Variants in MPHOSPH10 observed in about 807,000 individuals in gnomAD.
MPHOSPH10 encodes M-phase phosphoprotein 10.
MPHOSPH10 carries 33 observed loss-of-function variants against 77.3 expected under a neutral mutation model. The ratio of observed to expected loss-of-function variants is 0.43; its 90% CI spans 0.32 to 0.57. The LOEUF (loss-of-function observed/expected upper bound fraction) is 0.57, where lower values mean the gene tolerates loss of function less well. Ranked by LOEUF, MPHOSPH10 falls within the 20% of genes least tolerant of loss-of-function variation. The pLI is 0.07. For missense variants in MPHOSPH10, 708 were observed against 780.1 expected, an observed-to-expected ratio of 0.91 and a Z score of 1.10; for synonymous variants, 245 against 268.0, an observed-to-expected ratio of 0.91 and a Z score of 0.84.
Position 71,134,729 on chromosome 2 carries a change from A to G in MPHOSPH10, c.1030A>G (p.Thr344Ala). The change falls in exon 4 of 11, where the codon ACA becomes GCA. Residue 344 changes from threonine to alanine, a missense_variant. Physicochemically the swap from Thr to Ala is moderately conservative, Grantham distance 58 (BLOSUM62 0). Around this residue, in one of 3 missense-constraint regions of MPHOSPH10, gnomAD observed 433 missense variants for 432.6 expected, o/e 1.00. Coordinates refer to ENST00000244230, the MANE Select transcript of MPHOSPH10 (RefSeq NM_005791.3). ...ACCAGATGATGCGGAAACTGAAGAT[A>G]CAGGTGTTTTAAATGTAAAGAAAAA... ...ALPDDAETED[T>A]GVLNVKKNSD... 1 of 1,611,030 alleles carries G rather than the reference A, an allele frequency of 6.2e-7. No individual in the cohort carries two copies. Among genetic ancestry groups the G allele is most frequent in the Non-Finnish European group, 8.5e-7 (1 of 1,178,418 alleles).
chr2:71,149,444 C>T lies in MPHOSPH10; in HGVS notation c.1887C>T (p.Ser629=), dbSNP rs777082716. 1 of 1,613,412 alleles carries T rather than the reference C, an allele frequency of 6.2e-7. No homozygotes were observed. The highest frequency in any genetic ancestry group is 1.7e-5 in the Admixed American group (1 of 59,898). ...AGCTGACCAAAACTGGCAAAGCTTC[C>T]TTCATAAAGGTAAGGACAAGGGAAA... The part of the protein sequence containing the change: ...LKQLTKTGKA[S]FIKDEGKDKA... Residue 629 remains serine, a synonymous_variant, in exon 10 of 11, where the codon TCC becomes TCT. Coordinates refer to ENST00000244230, the MANE Select transcript of MPHOSPH10 (RefSeq NM_005791.3).
intron 6 of MPHOSPH10, among the ~76,000 whole-genome samples, chr2:71,140,925 G>A (rs1419354509): frequency 6.6e-6 from 1 of 152,116 alleles, no homozygotes; most frequent in African/African-American, 2.4e-5. Flanking sequence ...CAGGTAGGAA[G>A]ACTCATTTAA....
At chr2:71,148,326 G>T in intron 9 of MPHOSPH10, 1 of 448,818 alleles carries the variant, frequency 2.2e-6, no homozygotes, top group South Asian at 3.9e-5. Flanking sequence ...GTTACTGTAA[G>T]AGCAGTTTTA....
chr2:71,143,040 C>CT (rs1179308762), intron 7 of MPHOSPH10, among the ~76,000 whole-genome samples: 1 of 151,984 alleles, frequency 6.6e-6, no homozygotes, highest in African/African-American at 2.4e-5. Flanking sequence ...GAGAATAAAT[C>CT]TTTAACACAT....
chr2:71,134,126 T>C lies in MPHOSPH10; in HGVS notation c.926+21T>C, dbSNP rs1052351886. 1.3e-5 allele frequency: 21 copies of C among 1,592,324 alleles called. No individual in the cohort carries two copies. In the African/African-American group the frequency reaches 2.2e-4, roughly 16 times the overall value. On this transcript the variant is annotated intron_variant, in intron 3 of 10. Coordinates refer to ENST00000244230, the MANE Select transcript of MPHOSPH10 (RefSeq NM_005791.3). ...GAAACGTGAGTATTTTGAACCATCCTTTACATTGTAAGCTGGAATTGCCCA... is the reference window on the plus strand; with the variant it reads ...GAAACGTGAGTATTTTGAACCATCCCTTACATTGTAAGCTGGAATTGCCCA...
chr2:71,138,366 G>T, intron 4 of MPHOSPH10, 124 bp from the exon 5 acceptor site: 1 of 774,032 alleles, frequency 1.3e-6, no homozygotes, highest in Non-Finnish European at 2.0e-6. Context: ...TAAAAAGATG[G>T]CAAGAACAGA....
intron 4 of MPHOSPH10, among the ~76,000 whole-genome samples, chr2:71,135,904 C>T (rs546277656): frequency 6.6e-6 from 1 of 152,038 alleles, no homozygotes; most frequent in African/African-American, 2.4e-5. Context: ...GGGGTTTCAC[C>T]ATGTTGGCCA....
intron 9 of MPHOSPH10, 91 bp from the exon 10 acceptor site, chr2:71,149,132 T>G: frequency 8.4e-7 from 1 of 1,192,010 alleles, no homozygotes. Context: ...ATGCACAGCC[T>G]GCTTGCTGGC....
In MPHOSPH10 at chr2:71,149,442, T is replaced by C; in HGVS notation, c.1885T>C (p.Ser629Pro). The C allele has an allele frequency of 6.2e-7, 1 of 1,613,492 alleles. No homozygotes were observed. The highest frequency in any genetic ancestry group is 8.5e-7 in the Non-Finnish European group (1 of 1,179,856). Residue 629 changes from serine (S) to proline (P), a missense_variant, in exon 10 of 11, where the codon TCC becomes CCC. By Grantham distance (74) the Ser-to-Pro change is moderately conservative. Transcript: ENST00000244230. ...LKQLTKTGKA[S>P]FIKDEGKDKA... ...ACAGCTGACCAAAACTGGCAAAGCT[T>C]CCTTCATAAAGGTAAGGACAAGGGA...
chr2:71,133,485 A>T lies in MPHOSPH10; in HGVS notation c.677A>T (p.Asp226Val), dbSNP rs145808867. Residue 226 changes from aspartate (D) to valine (V), a missense_variant, in exon 2 of 11, where the codon GAT (aspartate) becomes GTT (valine). Coordinates refer to ENST00000244230, the MANE Select transcript of MPHOSPH10 (RefSeq NM_005791.3). ...GAAAAAGAAGAGGAACGAAAAGATG[A>T]TAATGATGAGGAGGAGGAAGATATT... The part of the protein sequence containing the change: ...NIEKEEERKD[D>V]NDEEEEDIDF... The T allele has an allele frequency of 6.8e-6, 11 of 1,606,700 alleles. No individual in the cohort carries two copies. The highest frequency in any genetic ancestry group is 8.5e-6 in the Non-Finnish European group (10 of 1,173,396).
At chr2:71,149,733 C>A in intron 10 of MPHOSPH10, 133 bp from the exon 11 acceptor site, 1 of 811,742 alleles carries the variant, frequency 1.2e-6, no homozygotes, top group Non-Finnish European at 1.9e-6. Context: ...CTAACTGATT[C>A]AGTTTTCTGT....
chr2:71,140,097 CT>C (rs1283368524), intron 6 of MPHOSPH10, among the ~76,000 whole-genome samples: 4 of 152,184 alleles, frequency 2.6e-5, no homozygotes, highest in Non-Finnish European at 4.4e-5. Flanking sequence ...TCTCGTGAGT[CT>C]TGCTGACCTT....
chr2:71,132,966 T>C lies in MPHOSPH10; in HGVS notation c.158T>C (p.Leu53Ser). The C allele has an allele frequency of 6.2e-7, 1 of 1,613,978 alleles. No individual in the cohort carries two copies. Among genetic ancestry groups the C allele is most frequent in the East Asian group, 2.2e-5 (1 of 44,874 alleles). Residue 53 changes from leucine to serine, a missense_variant, in exon 2 of 11, where the codon TTA becomes TCA. Transcript: ENST00000244230. ...TKVLYDFNKI[L>S]ENGRIHGSPL... ...GTGCTTTATGACTTTAATAAAATAT[T>C]AGAGAATGGTAGGATCCATGGAAGC...
intron 8 of MPHOSPH10, among the ~76,000 whole-genome samples, chr2:71,145,051 G>T (rs543374184): frequency 6.6e-6 from 1 of 152,300 alleles, no homozygotes; most frequent in East Asian, 1.9e-4. Flanking sequence ...GGAGGTGGGA[G>T]AGTGAGAACT....
chr2:71,141,797 A>G (rs1042400715), intron 7 of MPHOSPH10, among the ~76,000 whole-genome samples: 2 of 152,138 alleles, frequency 1.3e-5, no homozygotes, highest in Non-Finnish European at 2.9e-5. Context: ...TGGGAGGCTG[A>G]GGCGGGCGGA....
intron 8 of MPHOSPH10, among the ~76,000 whole-genome samples, chr2:71,146,625 A>C (rs1287619389): frequency 6.6e-6 from 1 of 152,148 alleles, no homozygotes. Context: ...GGCGTGAGTT[A>C]CCGTGCCCAG....
intron 7 of MPHOSPH10, among the ~76,000 whole-genome samples, chr2:71,141,884 T>G (rs1673620797): frequency 6.6e-6 from 1 of 151,830 alleles, no homozygotes; most frequent in Non-Finnish European, 1.5e-5. Flanking sequence ...ACGAAAAAAT[T>G]AGACGGGCGT....
At chr2:71,136,132 C>T (rs1039903822) in intron 4 of MPHOSPH10, among the ~76,000 whole-genome samples, 1 of 152,182 alleles carries the variant, frequency 6.6e-6, no homozygotes, top group Non-Finnish European at 1.5e-5. Flanking sequence ...GTCATGATTT[C>T]AGACAAGTGA....
rs1327910702 is a variant in MPHOSPH10 at position 71,144,559 on chromosome 2, G to T, written c.1557+21G>T. Reference sequence around the variant, plus strand: ...AACCGGTAAGTGTGTTAACAGTTCAGTGTGTAGCTAGAGCAGGGTGACCTT... The same window carrying T: ...AACCGGTAAGTGTGTTAACAGTTCATTGTGTAGCTAGAGCAGGGTGACCTT... On this transcript the variant is annotated intron_variant, in intron 8 of 10. Coordinates refer to ENST00000244230, the MANE Select transcript of MPHOSPH10 (RefSeq NM_005791.3). 9 of 1,555,946 alleles carry T rather than the reference G, an allele frequency of 5.8e-6. No homozygotes were observed. In the East Asian group the frequency reaches 9.0e-5, roughly 16 times the overall value.
Sources: allele counts gnomAD v4.1 joint callset (sites outside exome capture counted in the v4.1 genomes callset), GRCh38; gene constraint gnomAD v4.1.1; regional missense constraint gnomAD v4.1.1; transcripts MANE v1.5; gene names NCBI Gene and HGNC (gene_info 2026-07-23, HGNC 2026-07-21).